ARHGAP15: variants seen among roughly 807,000 people sequenced by gnomAD.
The protein encoded by ARHGAP15 is rho GTPase-activating protein 15.
ARHGAP15 carries 51 observed loss-of-function variants against 63.7 expected under a neutral mutation model. The observed-to-expected ratio is 0.80, with a 90% CI of 0.64 to 1.01. The LOEUF (loss-of-function observed/expected upper bound fraction) is 1.01, where lower values mean the gene tolerates loss of function less well. Ranked by LOEUF, ARHGAP15 falls within the 50% of genes least tolerant of loss-of-function variation. The pLI is 0.00. For missense variants in ARHGAP15, 560 were observed against 564.6 expected, an observed-to-expected ratio of 0.99 and a Z score of 0.08; for synonymous variants, 191 against 193.8, an observed-to-expected ratio of 0.99 and a Z score of 0.12.
chr2:143,176,213 A>G (rs1691003689), intron 2 of ARHGAP15, among the ~76,000 whole-genome samples: 1 of 152,140 alleles, frequency 6.6e-6, no homozygotes, highest in African/African-American at 2.4e-5. Context: ...ATTATTTAAT[A>G]TTGATGGAAA....
In ARHGAP15 at chr2:143,484,365, C is replaced by CAAAA. The variant is rs377516856; in HGVS notation, c.704-2994_704-2991dup. Among the ~76,000 whole-genome samples the CAAAA allele has an allele frequency of 1.3e-3, 166 of 125,434 alleles. 2 individuals carry two copies. The highest frequency in any genetic ancestry group is 4.5e-3 in the African/African-American group (146 of 32,548). The allele number at this position is 125,434 out of a possible 152,430, so 82.3% of individuals were successfully genotyped here. ...TGGGCAACAGAGAGAGACTCCATCT[C>CAAAA]AAAAAAAAAAAAAAAAATTAGCCAG... is the stretch of plus-strand genomic sequence containing the variant. On this transcript the variant is annotated intron_variant, in intron 8 of 13. Coordinates refer to ENST00000295095, the MANE Select transcript of ARHGAP15 (RefSeq NM_018460.4).
At chr2:143,699,054 T>A (rs1267928358) in intron 12 of ARHGAP15, among the ~76,000 whole-genome samples, 2 of 152,172 alleles carry the variant, frequency 1.3e-5, no homozygotes, top group African/African-American at 4.8e-5. Context: ...TGTTTATGAA[T>A]CTTAGCTCAT....
intron 6 of ARHGAP15, among the ~76,000 whole-genome samples, chr2:143,251,261 G>C (rs988966965): frequency 2.6e-5 from 4 of 151,838 alleles, no homozygotes; most frequent in African/African-American, 9.7e-5. Flanking sequence ...TTTGATTTTT[G>C]TTCTATTTTA....
intron 12 of ARHGAP15, among the ~76,000 whole-genome samples, chr2:143,702,849 T>G (rs1684151979): frequency 6.6e-6 from 1 of 152,148 alleles, no homozygotes; most frequent in Non-Finnish European, 1.5e-5. Context: ...TGTTTCTCCC[T>G]AATAAGGATC....
At chr2:143,449,567 C>T (rs72853744) in intron 8 of ARHGAP15, among the ~76,000 whole-genome samples, 2 of 151,942 alleles carry the variant, frequency 1.3e-5, no homozygotes, top group African/African-American at 2.4e-5. Flanking sequence ...CTGTTTTACT[C>T]GTAGACTAAG....
At chr2:143,349,131 GT>G (rs1685445280) in intron 6 of ARHGAP15, among the ~76,000 whole-genome samples, 1 of 152,118 alleles carries the variant, frequency 6.6e-6, no homozygotes, top group African/African-American at 2.4e-5. Context: ...ATTGTTGGAA[GT>G]TGTTCAGAAG....
chr2:143,220,892 A>G (rs1328185306), intron 4 of ARHGAP15, among the ~76,000 whole-genome samples: 2 of 152,202 alleles, frequency 1.3e-5, no homozygotes, highest in African/African-American at 2.4e-5. Context: ...CTTAAATGAT[A>G]CTACAATATA....
intron 1 of ARHGAP15, among the ~76,000 whole-genome samples, chr2:143,135,373 G>A (rs955218012): frequency 4.6e-4 from 70 of 152,054 alleles, no homozygotes; most frequent in African/African-American, 1.6e-3. Flanking sequence ...CTGGTTATTA[G>A]TCCAATTCCA....
At chr2:143,417,476 A>C (rs1339266235) in intron 6 of ARHGAP15, among the ~76,000 whole-genome samples, 1 of 152,206 alleles carries the variant, frequency 6.6e-6, no homozygotes, top group African/African-American at 2.4e-5. Flanking sequence ...GTCTGTACTT[A>C]ATATGGATAA....
At chr2:143,229,859 G>A (rs1021661378) in intron 5 of ARHGAP15, among the ~76,000 whole-genome samples, 7 of 152,174 alleles carry the variant, frequency 4.6e-5, no homozygotes, top group Non-Finnish European at 8.8e-5. Context: ...AACCGCAGTA[G>A]CCTTTATCCC....
intron 12 of ARHGAP15, among the ~76,000 whole-genome samples, chr2:143,651,162 T>G (rs905966167): frequency 1.3e-4 from 19 of 151,978 alleles, no homozygotes; most frequent in Admixed American, 2.0e-4. Flanking sequence ...ATGTGTTCAT[T>G]TTCAATAAAA....
At chr2:143,226,342 A>G (rs1334894029) in intron 4 of ARHGAP15, among the ~76,000 whole-genome samples, 1 of 152,218 alleles carries the variant, frequency 6.6e-6, no homozygotes, top group Admixed American at 6.5e-5. Context: ...TATAGATAGG[A>G]TGCAAATAAG....
intron 12 of ARHGAP15, among the ~76,000 whole-genome samples, chr2:143,666,372 A>G (rs1682184819): frequency 6.6e-6 from 1 of 152,160 alleles, no homozygotes; most frequent in Admixed American, 6.5e-5. Context: ...CCATATGTAC[A>G]AAGCTGAAAC....
intron 10 of ARHGAP15, among the ~76,000 whole-genome samples, chr2:143,529,266 C>T (rs1252168681): frequency 6.6e-6 from 1 of 152,126 alleles, no homozygotes; most frequent in East Asian, 1.9e-4. Context: ...TCTCTCATTA[C>T]AGACAGAATC....
At chr2:143,710,828 G>C (rs1373464305) in intron 13 of ARHGAP15, among the ~76,000 whole-genome samples, 1 of 152,162 alleles carries the variant, frequency 6.6e-6, no homozygotes, top group Non-Finnish European at 1.5e-5. Flanking sequence ...CTTAGAAACT[G>C]TACAACATTG....
chr2:143,331,117 A>G (rs1684528625), intron 6 of ARHGAP15, among the ~76,000 whole-genome samples: 2 of 152,188 alleles, frequency 1.3e-5, no homozygotes, highest in Admixed American at 1.3e-4. Context: ...GAGTTTCCCA[A>G]CTATGAGCCC....
At chr2:143,316,686 T>A (rs1484992807) in intron 6 of ARHGAP15, among the ~76,000 whole-genome samples, 1 of 147,666 alleles carries the variant, frequency 6.8e-6, no homozygotes, top group Admixed American at 6.7e-5. Flanking sequence ...CTGTCTCTGA[T>A]CCATCATGAG....
chr2:143,330,115 A>ATAAAT (rs1684460041), intron 6 of ARHGAP15, among the ~76,000 whole-genome samples: 2 of 86,162 alleles, frequency 2.3e-5, no homozygotes, highest in South Asian at 3.7e-4. Context: ...AAAAAAAAAA[A>ATAAAT]AAAAAAAAAA....
At chr2:143,253,728 T>C (rs542579837) in intron 6 of ARHGAP15, among the ~76,000 whole-genome samples, 2 of 148,370 alleles carry the variant, frequency 1.3e-5, no homozygotes, top group East Asian at 3.9e-4. Flanking sequence ...TGAATATACA[T>C]GTATAAAATA....
Sources: gnomAD v4.1 joint callset for allele counts (sites outside exome capture counted in the v4.1 genomes callset) on GRCh38, gnomAD v4.1.1 for gene constraint, MANE v1.5 for transcripts, NCBI Gene and HGNC (gene_info 2026-07-23, HGNC 2026-07-21) for gene names.